LINGO2: variants seen among roughly 807,000 people sequenced by gnomAD.
LINGO2 encodes leucine rich repeat and Ig domain containing 2.
LINGO2 carries 14 observed loss-of-function variants against 30.6 expected under a neutral mutation model. That is an observed-to-expected ratio of 0.46 (90% CI 0.30 to 0.72). The LOEUF (loss-of-function observed/expected upper bound fraction) is 0.72, where lower values mean the gene tolerates loss of function less well. Among genes scored for constraint, LINGO2 ranks in the 30% least tolerant of loss-of-function variants. LINGO2 has a pLI of 0.07. For synonymous variants in LINGO2, 317 were observed against 288.5 expected (o/e 1.10, Z -1.00); for missense variants, 729 against 751.7 (o/e 0.97, Z 0.35).
intron 1 of LINGO2, among the ~76,000 whole-genome samples, chr9:28,557,549 C>T (rs376876986): frequency 4.0e-5 from 6 of 151,766 alleles, no homozygotes; most frequent in African/African-American, 4.8e-5. Context: ...ACTGTTGGTG[C>T]GACTGTAAAC....
the LINGO2 span, among the ~76,000 whole-genome samples, chr9:28,966,505 A>C: frequency 1.6e-4 from 24 of 152,096 alleles, no homozygotes; most frequent in Non-Finnish European, 3.4e-4. Context: ...AATAGCCATC[A>C]TGCGTTAGTC....
chr9:28,371,093 C>A (rs868152819), intron 3 of LINGO2, among the ~76,000 whole-genome samples: 24 of 152,092 alleles, frequency 1.6e-4, no homozygotes, highest in Non-Finnish European at 2.4e-4. Flanking sequence ...GGCCCCTTCA[C>A]TCAAATATTT....
intron 4 of LINGO2, among the ~76,000 whole-genome samples, chr9:28,267,150 C>T (rs184529489): frequency 6.6e-6 from 1 of 152,096 alleles, no homozygotes; most frequent in Non-Finnish European, 1.5e-5. Context: ...TATAGCAATG[C>T]AGTTTTGAGA....
At chr9:28,885,487 T>TTA in the LINGO2 span, among the ~76,000 whole-genome samples, 101,062 of 145,672 alleles carry the variant, frequency 0.69, 35,124 homozygotes, top group Non-Finnish European at 0.73. Flanking sequence ...ATATACACGT[T>TTA]TATATATATA....
At chr9:28,213,446 C>T (rs1312318800) in intron 4 of LINGO2, among the ~76,000 whole-genome samples, 2 of 151,328 alleles carry the variant, frequency 1.3e-5, no homozygotes, top group Non-Finnish European at 3.0e-5. Flanking sequence ...CAGATAAGCA[C>T]AAAAATTGAA....
the LINGO2 span, among the ~76,000 whole-genome samples, chr9:29,012,341 G>A: frequency 4.0e-5 from 6 of 150,368 alleles, no homozygotes; most frequent in Non-Finnish European, 8.9e-5. Flanking sequence ...CTGGGCGACC[G>A]AACAAGATTC....
At chr9:28,298,909 T>A (rs1382517634) in intron 3 of LINGO2, among the ~76,000 whole-genome samples, 1 of 152,212 alleles carries the variant, frequency 6.6e-6, no homozygotes, top group Non-Finnish European at 1.5e-5. Flanking sequence ...TTCTAACATG[T>A]ACAAACGCTG....
chr9:29,144,605 G>T, the LINGO2 span, among the ~76,000 whole-genome samples: 1 of 152,228 alleles, frequency 6.6e-6, no homozygotes, highest in African/African-American at 2.4e-5. Context: ...CAGAGGCAGG[G>T]TGGTCCACTC....
intron 4 of LINGO2, among the ~76,000 whole-genome samples, chr9:28,229,325 C>T (rs1821277586): frequency 6.6e-6 from 1 of 151,256 alleles, no homozygotes; most frequent in South Asian, 2.1e-4. Flanking sequence ...TGGGCTGTGA[C>T]AATAATATAT....
chr9:28,451,122 C>A (rs951965637), intron 2 of LINGO2, among the ~76,000 whole-genome samples: 1 of 151,806 alleles, frequency 6.6e-6, no homozygotes, highest in African/African-American at 2.4e-5. Flanking sequence ...TTCCATATAA[C>A]TAACCAATAG....
chr9:29,092,327 A>G, the LINGO2 span, among the ~76,000 whole-genome samples: 1 of 151,948 alleles, frequency 6.6e-6, no homozygotes, highest in African/African-American at 2.4e-5. Context: ...CAATCAATTA[A>G]TAAGATCTAA....
chr9:28,954,151 C>T, the LINGO2 span, among the ~76,000 whole-genome samples: 1 of 152,086 alleles, frequency 6.6e-6, no homozygotes, highest in Non-Finnish European at 1.5e-5. Flanking sequence ...AGTTGCTTTC[C>T]TTGAAGTTAC....
At chr9:28,406,509 C>T (rs1822522717) in intron 2 of LINGO2, among the ~76,000 whole-genome samples, 1 of 152,130 alleles carries the variant, frequency 6.6e-6, no homozygotes, top group African/African-American at 2.4e-5. Flanking sequence ...CCATTTCCAG[C>T]CAGACATTAG....
At chr9:29,190,229 GAT>G in the LINGO2 span, among the ~76,000 whole-genome samples, 1 of 152,152 alleles carries the variant, frequency 6.6e-6, no homozygotes, top group Non-Finnish European at 1.5e-5. Flanking sequence ...ACAAGCAACA[GAT>G]TAAAAAGTCA....
intron 4 of LINGO2, among the ~76,000 whole-genome samples, chr9:28,034,261 G>A (rs1823824621): frequency 6.6e-6 from 1 of 152,184 alleles, no homozygotes; most frequent in African/African-American, 2.4e-5. Context: ...AATAGGTAGA[G>A]GGGCAGCTGT....
At chr9:28,177,469 C>G (rs1335043849) in intron 4 of LINGO2, among the ~76,000 whole-genome samples, 3 of 152,164 alleles carry the variant, frequency 2.0e-5, no homozygotes, top group Non-Finnish European at 4.4e-5. Flanking sequence ...ATGTGCAAAT[C>G]TGCAATCCAC....
chr9:28,793,005 A>C, the LINGO2 span, among the ~76,000 whole-genome samples: 7 of 152,136 alleles, frequency 4.6e-5, no homozygotes, highest in African/African-American at 1.4e-4. Context: ...GGCTTTACAA[A>C]TCCAGATAAC....
chr9:28,286,663 C>G (rs994106238), intron 4 of LINGO2, among the ~76,000 whole-genome samples: 1 of 152,148 alleles, frequency 6.6e-6, no homozygotes, highest in African/African-American at 2.4e-5. Context: ...TTTGCAGGGA[C>G]ATGGATGAAG....
At chr9:28,473,778 TAG>T (rs1825621718) in intron 2 of LINGO2, among the ~76,000 whole-genome samples, 1 of 152,152 alleles carries the variant, frequency 6.6e-6, no homozygotes, top group Admixed American at 6.6e-5. Flanking sequence ...TTTAGCAATG[TAG>T]AGTCTTCCCA....
Sources: allele counts gnomAD v4.1 joint callset (sites outside exome capture counted in the v4.1 genomes callset), GRCh38; gene constraint gnomAD v4.1.1; transcripts MANE v1.5; gene names NCBI Gene and HGNC (gene_info 2026-07-23, HGNC 2026-07-21).